The following HAO1 variants were observed in gnomAD, a reference collection of about 807,000 sequenced individuals.
HAO1 encodes 2-Hydroxyacid oxidase 1.
A neutral mutation model predicts 39.7 loss-of-function variants in HAO1; 34 were observed. The observed-to-expected ratio is 0.86, with a 90% CI of 0.65 to 1.14. HAO1 has a LOEUF of 1.14. Among genes scored for constraint, HAO1 ranks in the 50% most tolerant of loss-of-function variants. HAO1 has a pLI of 0.00. For synonymous variants in HAO1, 172 were observed against 173.2 expected (o/e 0.99, Z 0.05); for missense variants, 479 against 464.5 (o/e 1.03, Z -0.29).
chr20:7,915,638 G>C (rs990251044), intron 2 of HAO1, among the ~76,000 whole-genome samples: 1 of 152,132 alleles, frequency 6.6e-6, no homozygotes, highest in African/African-American at 2.4e-5. Flanking sequence ...TGTATCTATC[G>C]AGAGAGAAAA....
At chr20:7,913,741 A>G (rs868322705) in intron 3 of HAO1, among the ~76,000 whole-genome samples, 1 of 152,204 alleles carries the variant, frequency 6.6e-6, no homozygotes, top group Non-Finnish European at 1.5e-5. Flanking sequence ...GGGATCAAAG[A>G]TGTGGCTTTT....
At chr20:7,920,763 C>T (rs1173848231) in intron 2 of HAO1, among the ~76,000 whole-genome samples, 1 of 152,098 alleles carries the variant, frequency 6.6e-6, no homozygotes, top group Non-Finnish European at 1.5e-5. Context: ...CATTCTTTAT[C>T]CATTCATCTG....
At chr20:7,936,747 G>C (rs1330360444) in intron 1 of HAO1, among the ~76,000 whole-genome samples, 1 of 152,000 alleles carries the variant, frequency 6.6e-6, no homozygotes, top group East Asian at 1.9e-4. Flanking sequence ...ACAGAGGCTT[G>C]TCAACCAATG....
At position 7,889,889 on chromosome 20, in the gene HAO1, A is replaced by G. The variant is rs1394954559; in HGVS notation, c.814-4025T>C. On this transcript the variant is annotated intron_variant, in intron 5 of 7. Coordinates refer to ENST00000378789, the MANE Select transcript of HAO1 (RefSeq NM_017545.3). ...CCTTATCCCCTGAGAAAGGTGAGAC[A>G]AGACTCCCATTTCGGTGCTCTTCCC... 2.0e-5 allele frequency among the ~76,000 whole-genome samples: 3 copies of G among 152,148 alleles called. No homozygotes were observed. The East Asian group carries it at 5.8e-4, about 29-fold the overall frequency.
intron 3 of HAO1, among the ~76,000 whole-genome samples, chr20:7,911,024 G>A (rs994506474): frequency 6.6e-6 from 1 of 152,174 alleles, no homozygotes; most frequent in Non-Finnish European, 1.5e-5. Flanking sequence ...TTGATTCTGC[G>A]AATGACTGTT....
Position 7,904,632 on chromosome 20 carries a change from A to T in HAO1, c.721+1522T>A, listed in dbSNP as rs74938669. On this transcript the variant is annotated intron_variant, in intron 4 of 7. Transcript: ENST00000378789. ...AGCCATGCCCATAGATTTCTATGCAACATTTTATTGCACCCAAAATGCTTG... is the reference window on the plus strand; with the variant it reads ...AGCCATGCCCATAGATTTCTATGCATCATTTTATTGCACCCAAAATGCTTG... Among the ~76,000 whole-genome samples, 1,261 of 152,326 alleles carry T rather than the reference A, an allele frequency of 8.3e-3. 9 individuals are homozygous for T. The highest frequency in any genetic ancestry group is 0.027 in the South Asian group (129 of 4,826).
intron 1 of HAO1, among the ~76,000 whole-genome samples, chr20:7,939,416 A>T (rs2235239): frequency 0.24 from 36,660 of 151,876 alleles, 4,796 homozygotes; most frequent in East Asian, 0.48. Flanking sequence ...GTTGTAGACT[A>T]AAGAAGAAAT....
chr20:7,896,649 C>T (rs2050199240), intron 4 of HAO1, among the ~76,000 whole-genome samples: 1 of 151,818 alleles, frequency 6.6e-6, no homozygotes. Flanking sequence ...AGCTCTGATC[C>T]CCAATGTGAT....
intron 2 of HAO1, among the ~76,000 whole-genome samples, chr20:7,929,751 C>T (rs1428292782): frequency 2.0e-5 from 3 of 152,080 alleles, no homozygotes; most frequent in Non-Finnish European, 4.4e-5. Flanking sequence ...ATAGTCCTAG[C>T]TACCCAGGAG....
intron 2 of HAO1, among the ~76,000 whole-genome samples, chr20:7,920,051 T>C (rs921932651): frequency 3.3e-5 from 5 of 152,074 alleles, no homozygotes; most frequent in African/African-American, 1.2e-4. Context: ...ACCCAAATCT[T>C]ATCTCAAATT....
At chr20:7,934,334 G>T (rs2050399805) in intron 2 of HAO1, 150 bp downstream of exon 2, 3 of 541,114 alleles carry the variant, frequency 5.5e-6, no homozygotes, top group Admixed American at 7.0e-5. Context: ...AGCAGGACAT[G>T]CAAGAACAAG....
At chr20:7,910,359 G>C (rs2050273087) in intron 3 of HAO1, among the ~76,000 whole-genome samples, 3 of 152,176 alleles carry the variant, frequency 2.0e-5, no homozygotes. Context: ...TAGTAGAACT[G>C]TGTTTGTGGT....
chr20:7,900,359 GTATTT>G (rs1359429133), intron 4 of HAO1, among the ~76,000 whole-genome samples: 1 of 152,090 alleles, frequency 6.6e-6, no homozygotes, highest in Non-Finnish European at 1.5e-5. Flanking sequence ...TAGCAGCAAG[GTATTT>G]TTAATTAAGG....
intron 2 of HAO1, among the ~76,000 whole-genome samples, chr20:7,921,434 T>C (rs2050332420): frequency 2.6e-5 from 4 of 152,120 alleles, no homozygotes; most frequent in Non-Finnish European, 5.9e-5. Flanking sequence ...AGAATTACTT[T>C]TGTTAAAAAG....
intron 4 of HAO1, among the ~76,000 whole-genome samples, chr20:7,901,466 C>T (rs2050221088): frequency 6.6e-6 from 1 of 152,140 alleles, no homozygotes. Context: ...GTCCGAATGG[C>T]AGCACATCTG....
chr20:7,934,434 C>A (rs763580941), intron 2 of HAO1, 50 bp downstream of exon 2: 1 of 1,447,010 alleles, frequency 6.9e-7, no homozygotes, highest in Non-Finnish European at 9.4e-7. Context: ...AGAAGGAGGT[C>A]GATAAACGTT....
At position 7,906,060 on chromosome 20, in the gene HAO1, A is replaced by T. The variant is rs2050246076; in HGVS notation, c.721+94T>A. The stretch of plus-strand genomic sequence containing the variant: ...GAATGTCTCTCTCAATTTCCATGTT[A>T]ATTTTTCCTTGTTATTTTCCTTTAA... On this transcript the variant is annotated intron_variant, in intron 4 of 7. Coordinates refer to ENST00000378789, the MANE Select transcript of HAO1 (RefSeq NM_017545.3). The T allele has an allele frequency of 3.5e-6, 3 of 867,396 alleles. No homozygotes were observed. In the Admixed American group the frequency reaches 6.4e-5, roughly 18 times the overall value. 53.7% of individuals were successfully genotyped at this position (867,396 alleles called of 1,614,324 possible). A position where few individuals can be genotyped will look rare whatever the true frequency, so the allele number is the denominator to read the frequency against.
intron 4 of HAO1, among the ~76,000 whole-genome samples, chr20:7,897,144 T>C (rs1433429812): frequency 6.6e-6 from 1 of 152,186 alleles, no homozygotes; most frequent in Non-Finnish European, 1.5e-5. Flanking sequence ...AAGACATCAG[T>C]CCATTGTCTT....
chr20:7,930,449 T>C (rs1308833791), intron 2 of HAO1, among the ~76,000 whole-genome samples: 1 of 152,258 alleles, frequency 6.6e-6, no homozygotes, highest in Non-Finnish European at 1.5e-5. Context: ...TAAATTTGCC[T>C]GTGGCTATCT....
Sources: allele counts gnomAD v4.1 joint callset (sites outside exome capture counted in the v4.1 genomes callset), GRCh38; gene constraint gnomAD v4.1.1; transcripts MANE v1.5; gene names NCBI Gene and HGNC (gene_info 2026-07-23, HGNC 2026-07-21).